KCNJ15: variants seen among roughly 807,000 people sequenced by gnomAD.
The protein encoded by KCNJ15 is ATP-sensitive inward rectifier potassium channel 15.
In KCNJ15, 14 loss-of-function variants were observed where a neutral mutation model predicts 23.0. The ratio of observed to expected loss-of-function variants is 0.61; its 90% CI spans 0.40 to 0.95. KCNJ15 has a LOEUF of 0.95. KCNJ15 is among the 40% of genes least tolerant of loss of function. KCNJ15 has a pLI of 0.00. For missense variants in KCNJ15, 388 were observed against 461.8 expected, an observed-to-expected ratio of 0.84 and a Z score of 1.46; for synonymous variants, 185 against 183.2, an observed-to-expected ratio of 1.01 and a Z score of -0.08.
At chr21:38,285,430 G>A (rs746339037) in intron 1 of KCNJ15, among the ~76,000 whole-genome samples, 1 of 152,176 alleles carries the variant, frequency 6.6e-6, no homozygotes, top group East Asian at 1.9e-4. Context: ...TGAGGAAACC[G>A]AGTCTCAAAG....
Position 38,235,557 on chromosome 21 carries a change from C to CA in KCNJ15, c.-398-21482dup, listed in dbSNP as rs200638808. On this transcript the variant is annotated intron_variant, in intron 1 of 4. Transcript: ENST00000547341. ...CAACAGAGCAAGACTTCATCTCAAG[C>CA]AAAAAAACAAACAAAAAAAGTTGAG... Among the ~76,000 whole-genome samples, 271 of 151,836 alleles carry CA rather than the reference C, an allele frequency of 1.8e-3. 4 individuals are homozygous for CA. In the East Asian group the frequency reaches 0.025, roughly 14 times the overall value.
intron 1 of KCNJ15, among the ~76,000 whole-genome samples, chr21:38,285,860 T>C (rs1242043149): frequency 2.6e-5 from 4 of 152,210 alleles, no homozygotes; most frequent in African/African-American, 9.6e-5. Context: ...GTACTCTAGA[T>C]GAGTAAGCTT....
At chr21:38,285,496 G>T (rs1382840129) in intron 1 of KCNJ15, 1 of 152,170 alleles carries the variant, frequency 6.6e-6, no homozygotes, top group Non-Finnish European at 1.5e-5. Context: ...GCAGGGTCCT[G>T]TGCTCTTAAT....
chr21:38,266,342 T>C (rs540016754), intron 1 of KCNJ15, among the ~76,000 whole-genome samples: 2 of 152,322 alleles, frequency 1.3e-5, no homozygotes, highest in East Asian at 1.9e-4. Flanking sequence ...CCTATGCCCA[T>C]GTATTCTCAT....
chr21:38,300,014 C>T lies in KCNJ15; in HGVS notation c.753C>T (p.Pro251=), dbSNP rs756190563. 2 of 1,613,986 alleles carry T rather than the reference C, an allele frequency of 1.2e-6. No homozygotes were observed. The highest frequency in any genetic ancestry group is 1.3e-5 in the African/African-American group (1 of 74,914). Residue 251 remains proline, a synonymous_variant, in exon 3 of 3, where the codon CCC becomes CCT. Coordinates refer to ENST00000398938, the MANE Select transcript of KCNJ15 (RefSeq NM_170736.3). ...SSSESPFLIL[P]MTFYHVLDET... ...CTGAGAGCCCCTTCCTCATTCTGCC[C>T]ATGACATTCTACCATGTGCTGGATG...
intron 1 of KCNJ15, among the ~76,000 whole-genome samples, chr21:38,293,125 A>G (rs1984791393): frequency 6.6e-6 from 1 of 152,118 alleles, no homozygotes; most frequent in African/African-American, 2.4e-5. Context: ...CTTGTTAACA[A>G]CTCTAAGAAC....
chr21:38,291,316 G>C (rs965544326), intron 1 of KCNJ15, among the ~76,000 whole-genome samples: 12 of 152,150 alleles, frequency 7.9e-5, no homozygotes, highest in African/African-American at 2.9e-4. Flanking sequence ...TTCCCAGCCA[G>C]GCCAATGCTA....
At chr21:38,256,124 G>A (rs1980206781), upstream of KCNJ15, among the ~76,000 whole-genome samples, 4 of 152,018 alleles carry the variant, frequency 2.6e-5, 1 homozygote, top group South Asian at 8.3e-4. Context: ...CCTTGATGTG[G>A]TGGCTGCAAG....
intron 1 of KCNJ15, among the ~76,000 whole-genome samples, chr21:38,249,616 A>G (rs1035760962): frequency 2.0e-5 from 3 of 152,252 alleles, no homozygotes; most frequent in African/African-American, 7.2e-5. Flanking sequence ...TCTAGTCTGT[A>G]TAGGTGTGGT....
In KCNJ15 at chr21:38,305,080, C is replaced by CAAAAAAAAAAAA. The variant is rs60094452; in HGVS notation, c.*4697_*4708dup. Reference sequence around the variant, plus strand: ...GGGCAACAAAAGTAAAACTCCGTCTCAAAAAAAAAAAAAAAAAGAAAAAGA... The same window carrying CAAAAAAAAAAAA: ...GGGCAACAAAAGTAAAACTCCGTCTCAAAAAAAAAAAAAAAAAAAAAAAAAAAAAGAAAAAGA... On this transcript the variant is annotated 3_prime_UTR_variant, in exon 3 of 3. Transcript: ENST00000398938. 2.0e-5 allele frequency: 2 copies of CAAAAAAAAAAAA among 97,792 alleles called. No individual in the cohort carries two copies. The highest frequency in any genetic ancestry group is 4.1e-4 in the South Asian group (1 of 2,416). 6.1% of individuals were successfully genotyped at this position (97,792 alleles called of 1,614,324 possible).
At chr21:38,266,885 A>G (rs1249062413) in intron 1 of KCNJ15, among the ~76,000 whole-genome samples, 1 of 152,228 alleles carries the variant, frequency 6.6e-6, no homozygotes, top group Admixed American at 6.5e-5. Flanking sequence ...TCTAGAAGCC[A>G]CACCCTTAAG....
At position 38,300,601 on chromosome 21, in the gene KCNJ15, A is replaced by G; in HGVS notation, c.*212A>G. 1 of 532,454 alleles carries G rather than the reference A, an allele frequency of 1.9e-6. No individual in the cohort carries two copies. Among genetic ancestry groups the G allele is most frequent in the South Asian group, 2.9e-5 (1 of 34,172 alleles). 33.0% of individuals were successfully genotyped at this position (532,454 alleles called of 1,614,324 possible). A position where few individuals can be genotyped will look rare whatever the true frequency, so the allele number is the denominator to read the frequency against. On this transcript the variant is annotated 3_prime_UTR_variant, in exon 3 of 3. Coordinates refer to ENST00000398938, the MANE Select transcript of KCNJ15 (RefSeq NM_170736.3). ...TGTTAGGTGCTTCGTCTGAAAGTGA[A>G]CTCTCATAATTCAAATTGTATAAAA...
rs1986080974 is a variant in KCNJ15 at position 38,307,010 on chromosome 21, G to A, written c.*6621G>A. 6.6e-6 allele frequency: 1 copy of A among 152,166 alleles called. No homozygotes were observed. Among genetic ancestry groups the A allele is most frequent in the Non-Finnish European group, 1.5e-5 (1 of 68,048 alleles). 9.4% of individuals were successfully genotyped at this position (152,166 alleles called of 1,614,324 possible). On this transcript the variant is annotated 3_prime_UTR_variant, in exon 3 of 3. Transcript: ENST00000398938. Reference sequence around the variant, plus strand: ...TAGAACCACATCTGATCCTTATACAGTGTTGCAAGATATATGTCCTTGCTT... The same window carrying A: ...TAGAACCACATCTGATCCTTATACAATGTTGCAAGATATATGTCCTTGCTT...
upstream of KCNJ15, among the ~76,000 whole-genome samples, chr21:38,253,821 T>C (rs747275915): frequency 1.3e-5 from 2 of 152,222 alleles, no homozygotes; most frequent in Non-Finnish European, 2.9e-5. Context: ...CTTCTATGTA[T>C]TTTCTATGCA....
rs892889259 is a variant in KCNJ15 at position 38,303,101 on chromosome 21, A to G, written c.*2712A>G. ...AAGTCAACAAATCATATAATATTCA[A>G]TAAATAGCTCTGAAGTTGTATCTGA... On this transcript the variant is annotated 3_prime_UTR_variant, in exon 3 of 3. Transcript: ENST00000398938. The G allele has an allele frequency of 4.6e-5, 7 of 152,140 alleles. No homozygotes were observed. Among genetic ancestry groups the G allele is most frequent in the East Asian group, 1.9e-4 (1 of 5,172 alleles). The allele number at this position is 152,140 out of a possible 1,614,324, so 9.4% of individuals were successfully genotyped here.
At chr21:38,264,341 A>G (rs904977892) in intron 1 of KCNJ15, among the ~76,000 whole-genome samples, 5 of 152,238 alleles carry the variant, frequency 3.3e-5, no homozygotes, top group African/African-American at 1.2e-4. Flanking sequence ...TCTCTGGTCC[A>G]TCAGGCCTGG....
At chr21:38,254,347 A>C (rs1194413619), upstream of KCNJ15, among the ~76,000 whole-genome samples, 1 of 152,222 alleles carries the variant, frequency 6.6e-6, no homozygotes, top group Admixed American at 6.5e-5. Flanking sequence ...AATTGTTGAC[A>C]TATCACCAAA....
intron 1 of KCNJ15, among the ~76,000 whole-genome samples, chr21:38,270,383 G>T (rs1295777431): frequency 6.6e-6 from 1 of 152,150 alleles, no homozygotes; most frequent in Admixed American, 6.5e-5. Flanking sequence ...CTCAGCATTT[G>T]TAATCCTAGC....
At chr21:38,296,694 G>A (rs1480997134) in intron 1 of KCNJ15, 1 of 152,452 alleles carries the variant, frequency 6.6e-6, no homozygotes, top group African/African-American at 2.4e-5. Flanking sequence ...AGGGTGTTTT[G>A]CTACGGAGCT....
Sources: gnomAD v4.1 joint callset for allele counts (sites outside exome capture counted in the v4.1 genomes callset) on GRCh38, gnomAD v4.1.1 for gene constraint, MANE v1.5 for transcripts, NCBI Gene and HGNC (gene_info 2026-07-23, HGNC 2026-07-21) for gene names.